XKR9: variants seen among roughly 807,000 people sequenced by gnomAD.
XKR9 encodes the protein XK-related protein 9.
A neutral mutation model predicts 32.0 loss-of-function variants in XKR9; 32 were observed. That is an observed-to-expected ratio of 1.00 (90% CI 0.76 to 1.34). The LOEUF is 1.34. XKR9 is among the 40% of genes most tolerant of loss of function. The pLI, the probability that XKR9 is intolerant of heterozygous loss-of-function variation, is 0.00. For synonymous variants in XKR9, 168 were observed against 143.4 expected (o/e 1.17, Z -1.22); for missense variants, 546 against 429.7 (o/e 1.27, Z -2.39).
At chr8:70,853,711 T>C in the XKR9 span, among the ~76,000 whole-genome samples, 5 of 152,144 alleles carry the variant, frequency 3.3e-5, no homozygotes, top group Admixed American at 3.3e-4. Flanking sequence ...TGGTGTGTGA[T>C]GTTCCCCTTC....
chr8:70,982,688 T>C, the XKR9 span, among the ~76,000 whole-genome samples: 1 of 152,146 alleles, frequency 6.6e-6, no homozygotes, highest in African/African-American at 2.4e-5. Context: ...ATCCAGTTCC[T>C]ACAAAGGGTC....
At chr8:71,010,900 A>C in the XKR9 span, among the ~76,000 whole-genome samples, 2 of 152,186 alleles carry the variant, frequency 1.3e-5, no homozygotes, top group Non-Finnish European at 2.9e-5. Context: ...GCAAATTGTC[A>C]TCCTAGGGCG....
At chr8:71,042,377 C>T in the XKR9 span, among the ~76,000 whole-genome samples, 8 of 152,178 alleles carry the variant, frequency 5.3e-5, no homozygotes, top group East Asian at 1.4e-3. Context: ...GGAGTATAGA[C>T]TCTGGAGCTT....
chr8:70,852,997 A>T, the XKR9 span, among the ~76,000 whole-genome samples: 1 of 152,096 alleles, frequency 6.6e-6, no homozygotes. Context: ...ACTTAAGTAT[A>T]ATATAAAAAA....
At chr8:70,719,544 C>T (rs1806205613) in intron 4 of XKR9, among the ~76,000 whole-genome samples, 1 of 152,130 alleles carries the variant, frequency 6.6e-6, no homozygotes, top group South Asian at 2.1e-4. Context: ...TTCCCAACAC[C>T]ATTTATTAAA....
chr8:70,754,524 G>A (rs2130191510), intron 2 of XKR9, among the ~76,000 whole-genome samples: 1 of 139,502 alleles, frequency 7.2e-6, no homozygotes, highest in East Asian at 2.0e-4. Context: ...ATACTATAAG[G>A]CTACAGTAAC....
the XKR9 span, among the ~76,000 whole-genome samples, chr8:70,927,987 C>A: frequency 6.6e-6 from 1 of 152,084 alleles, no homozygotes; most frequent in Non-Finnish European, 1.5e-5. Flanking sequence ...AGGTTTGAAC[C>A]TTTTATCTAA....
At chr8:71,061,181 G>A in the XKR9 span, among the ~76,000 whole-genome samples, 2 of 152,190 alleles carry the variant, frequency 1.3e-5, no homozygotes, top group African/African-American at 4.8e-5. Flanking sequence ...AAGTTGCAGA[G>A]CTGTGGATTC....
chr8:71,047,605 A>G, the XKR9 span, among the ~76,000 whole-genome samples: 5 of 152,150 alleles, frequency 3.3e-5, no homozygotes, highest in African/African-American at 1.2e-4. Context: ...GTAATATGCA[A>G]TCTCTCTGTG....
the XKR9 span, among the ~76,000 whole-genome samples, chr8:70,826,227 G>A: frequency 6.6e-6 from 1 of 152,074 alleles, no homozygotes; most frequent in Non-Finnish European, 1.5e-5. Context: ...CTGGTTCTCA[G>A]TATAGCCTCC....
the XKR9 span, among the ~76,000 whole-genome samples, chr8:70,846,996 A>G: frequency 1.3e-5 from 2 of 152,092 alleles, no homozygotes; most frequent in Admixed American, 1.3e-4. Context: ...AATAGACTGA[A>G]CAAACATCTA....
At position 70,671,557 on chromosome 8, in the gene XKR9, C is replaced by A. The variant is rs565139791; in HGVS notation, c.-361+2019C>A. Among the ~76,000 whole-genome samples the A allele has an allele frequency of 4.9e-3, 414 of 84,024 alleles. 31 individuals carry two copies. The highest frequency in any genetic ancestry group is 0.014 in the African/African-American group (397 of 27,536). 55.1% of individuals were successfully genotyped at this position (84,024 alleles called of 152,430 possible). A position where few individuals can be genotyped will look rare whatever the true frequency, so the allele number is the denominator to read the frequency against. ...GTCCATGTGATCTCATTGTTCAATT[C>A]CCACCTATGAGTGAGAATATGCGGT... On this transcript the variant is annotated intron_variant, in intron 1 of 4. Coordinates refer to ENST00000408926, the MANE Select transcript of XKR9 (RefSeq NM_001011720.2).
At chr8:70,772,433 C>G (rs185442119) in intron 2 of XKR9, among the ~76,000 whole-genome samples, 1 of 152,292 alleles carries the variant, frequency 6.6e-6, no homozygotes, top group African/African-American at 2.4e-5. Context: ...TGATTTTGAA[C>G]AGCCCGATTT....
At chr8:70,808,185 T>C in the XKR9 span, among the ~76,000 whole-genome samples, 11 of 152,104 alleles carry the variant, frequency 7.2e-5, no homozygotes, top group African/African-American at 2.4e-4. Flanking sequence ...AATAATGAAA[T>C]TAAGGCAACA....
downstream of XKR9, among the ~76,000 whole-genome samples, chr8:70,740,612 C>T (rs947451681): frequency 2.6e-5 from 4 of 151,770 alleles, no homozygotes; most frequent in African/African-American, 7.3e-5. Flanking sequence ...TACTTTTGGT[C>T]TTTGATGATG....
chr8:71,023,906 C>A, the XKR9 span, among the ~76,000 whole-genome samples: 2 of 152,192 alleles, frequency 1.3e-5, no homozygotes, highest in African/African-American at 2.4e-5. Flanking sequence ...AATCCCCAGG[C>A]TCTTGAGTGG....
the XKR9 span, among the ~76,000 whole-genome samples, chr8:70,903,850 G>A: frequency 1.1e-4 from 16 of 152,036 alleles, no homozygotes; most frequent in East Asian, 9.7e-4. Context: ...CTTTGTTCTC[G>A]TTGGTTTCAA....
the XKR9 span, among the ~76,000 whole-genome samples, chr8:71,019,505 A>G: frequency 6.6e-6 from 1 of 152,198 alleles, no homozygotes; most frequent in Non-Finnish European, 1.5e-5. Flanking sequence ...TCAGTTGAGT[A>G]GCTGCCTCTC....
At chr8:70,837,379 T>G in the XKR9 span, among the ~76,000 whole-genome samples, 1 of 152,078 alleles carries the variant, frequency 6.6e-6, no homozygotes, top group Non-Finnish European at 1.5e-5. Context: ...AGAATAGAAA[T>G]GAGAAACCTG....
Sources: allele counts gnomAD v4.1 joint callset (sites outside exome capture counted in the v4.1 genomes callset), GRCh38; gene constraint gnomAD v4.1.1; transcripts MANE v1.5; gene names NCBI Gene and HGNC (gene_info 2026-07-23, HGNC 2026-07-21).